IFI27: variants seen among roughly 807,000 people sequenced by gnomAD.
IFI27 encodes interferon alpha-inducible protein 27, mitochondrial.
In IFI27, 3 loss-of-function variants were observed where a neutral mutation model predicts 8.9. That is an observed-to-expected ratio of 0.34 (90% CI 0.15 to 0.87). IFI27 has a LOEUF of 0.87. Ranked by LOEUF, IFI27 falls within the 40% of genes least tolerant of loss-of-function variation. IFI27 has a pLI of 0.51. For synonymous variants in IFI27, 66 were observed against 67.3 expected (o/e 0.98, Z 0.09); for missense variants, 152 against 157.7 (o/e 0.96, Z 0.19).
In IFI27 at chr14:94,111,777, AGT is replaced by A. The variant is rs1887198210; in HGVS notation, c.91+7_91+8del. ...TCTGCCGTAGTTTTGCCCCTGGGTG[AGT>A]GTTCCTGGGAGGGGCTGGTGCTGGG... is the stretch of plus-strand genomic sequence containing the variant. On this transcript the variant is annotated splice_donor_5th_base_variant and intron_variant, in intron 2 of 4. Coordinates refer to ENST00000621160, the Ensembl canonical transcript of IFI27. This position sits in a 1 kb window ranked among gnomAD's most constrained non-coding sequence, Gnocchi z 4.3. The A allele has an allele frequency of 6.2e-7, 1 of 1,610,876 alleles. No homozygotes were observed. Among genetic ancestry groups the A allele is most frequent in the African/African-American group, 1.3e-5 (1 of 74,676 alleles).
In IFI27 at chr14:94,115,893, TG is replaced by T; in HGVS notation, c.239del (p.Gly80ValfsTer23). ...TGATGTCCGCGGCGGCCATTGCCAA[TG>T]GGGGTGGAGTTGCCTCGGGCAGCCT... is the stretch of plus-strand genomic sequence containing the variant. On this transcript the variant is annotated frameshift_variant, in exon 4 of 5. Transcript: ENST00000621160. LOFTEE classifies it low-confidence loss of function (END_TRUNC). 7 of 1,598,428 alleles carry T rather than the reference TG, an allele frequency of 4.4e-6. No individual in the cohort carries two copies. Among genetic ancestry groups the T allele is most frequent in the Non-Finnish European group, 5.1e-6 (6 of 1,172,136 alleles).
In IFI27 at chr14:94,116,506, T is replaced by C; in HGVS notation, c.348T>C (p.Ala116=). 1 of 1,613,302 alleles carries C rather than the reference T, an allele frequency of 6.2e-7. No homozygotes were observed. Among genetic ancestry groups the C allele is most frequent in the Non-Finnish European group, 8.5e-7 (1 of 1,179,674 alleles). The change falls in exon 5 of 5, where the codon GCT becomes GCC. Residue 116 remains alanine (A), a synonymous_variant. Coordinates refer to ENST00000621160, the Ensembl canonical transcript of IFI27. This position sits in a 1 kb window ranked among gnomAD's most constrained non-coding sequence, Gnocchi z 4.3. ...GCTCCATTGGGTCTGCCATTGCGGC[T>C]GTCATTGCGAGGTTCTACTAGCTCC... is the stretch of plus-strand genomic sequence containing the variant.
At chr14:94,112,297 A>T (rs968701978) in intron 2 of IFI27, 5 of 163,102 alleles carry the variant, frequency 3.1e-5, no homozygotes, top group Non-Finnish European at 6.7e-5. Flanking sequence ...AACCTTTCTA[A>T]TATATTTAAT....
rs79237972 is a variant in IFI27, at chr14:94,111,493, T to C, written c.-58-132T>C. The C allele has an allele frequency of 4.6e-3, 2,804 of 603,868 alleles. 110 individuals are homozygous for C. The East Asian group carries it at 0.075, about 16-fold the overall frequency. 37.4% of individuals were successfully genotyped at this position (603,868 alleles called of 1,614,324 possible). A position where few individuals can be genotyped will look rare whatever the true frequency, so the allele number is the denominator to read the frequency against. ...CCTCCCTCCCTCACCCCAGGATCCT[T>C]TCAAGGCCTGCTGCTCCACAAGCTC... On this transcript the variant is annotated intron_variant, in intron 1 of 4. Transcript: ENST00000621160. This position sits in a 1 kb window ranked among gnomAD's most constrained non-coding sequence, Gnocchi z 4.3.
intron 2 of IFI27, chr14:94,113,754 C>G (rs1049605475): frequency 1.3e-5 from 2 of 152,248 alleles, no homozygotes; most frequent in Admixed American, 6.5e-5. Context: ...TAAAACTGAA[C>G]CTTCTAACGA....
chr14:94,115,883 C>T (rs750818677), exon 4 of IFI27: 6 of 1,599,302 alleles, frequency 3.8e-6, no homozygotes, highest in South Asian at 1.1e-5. Context: ...TCCGCGGCGG[C>T]CATTGCCAAT....
At position 94,111,771 on chromosome 14, in the gene IFI27, T is replaced by C. The variant is rs372591348; in HGVS notation, c.89T>C (p.Leu30Pro). ...TCTGGCTCTGCCGTAGTTTTGCCCC[T>C]GGGTGAGTGTTCCTGGGAGGGGCTG... Residue 30 changes from leucine to proline, a missense_variant and splice_region_variant, in exon 2 of 5, where the codon CTG becomes CCG. Coordinates refer to ENST00000621160, the Ensembl canonical transcript of IFI27. This position sits in a 1 kb window ranked among gnomAD's most constrained non-coding sequence, Gnocchi z 4.3. 2 of 1,612,718 alleles carry C rather than the reference T, an allele frequency of 1.2e-6. No individual in the cohort carries two copies. The highest frequency in any genetic ancestry group is 1.7e-6 in the Non-Finnish European group (2 of 1,178,758).
At chr14:94,109,715 T>A (rs1411414804), upstream of IFI27, among the ~76,000 whole-genome samples, 1 of 152,208 alleles carries the variant, frequency 6.6e-6, no homozygotes, top group African/African-American at 2.4e-5. Flanking sequence ...GAGAGCCTCA[T>A]CTTGCGTGAG....
At chr14:94,114,763 C>G in intron 2 of IFI27, 88 bp from the exon 3 acceptor site, 1 of 1,448,948 alleles carries the variant, frequency 6.9e-7, no homozygotes, top group South Asian at 1.2e-5. Flanking sequence ...GGGGCAGCCC[C>G]CTGCCTCCCT....
At chr14:94,106,064 C>G (rs1887011101), upstream of IFI27, 1 of 152,156 alleles carries the variant, frequency 6.6e-6, no homozygotes, top group African/African-American at 2.4e-5. Flanking sequence ...GGTGTCAGCC[C>G]CCTTGGTGTC....
intron 2 of IFI27, among the ~76,000 whole-genome samples, chr14:94,112,590 C>T (rs910952380): frequency 1.3e-5 from 2 of 152,246 alleles, no homozygotes; most frequent in Non-Finnish European, 2.9e-5. Context: ...ACAAATGGCA[C>T]AGGCTTGAAT....
chr14:94,116,361 G>A lies in IFI27; in HGVS notation c.284-81G>A, dbSNP rs948018468. The A allele has an allele frequency of 1.1e-6, 1 of 941,658 alleles. No individual in the cohort carries two copies. Among genetic ancestry groups the A allele is most frequent in the Non-Finnish European group, 1.7e-6 (1 of 589,330 alleles). The allele number at this position is 941,658 out of a possible 1,614,324, so 58.3% of individuals were successfully genotyped here. On this transcript the variant is annotated intron_variant, in intron 4 of 4. Transcript: ENST00000621160. The surrounding 1 kb of genome is among the most constrained non-coding windows in gnomAD (Gnocchi z 4.3). The stretch of plus-strand genomic sequence containing the variant: ...CCTCAGCCCCTGCTGAGGGTCACTG[G>A]AGTCTCTGACCCCACAGTCCTGCCC...
chr14:94,107,705 A>G (rs1033317074), upstream of IFI27, among the ~76,000 whole-genome samples: 2 of 152,014 alleles, frequency 1.3e-5, no homozygotes, highest in African/African-American at 4.8e-5. Context: ...TTTACATTTT[A>G]TAAGTCTTTT....
Position 94,111,833 on chromosome 14 carries a change from G to T in IFI27, c.91+60G>T, listed in dbSNP as rs568750988. On this transcript the variant is annotated intron_variant, in intron 2 of 4. Transcript: ENST00000621160. This position sits in a 1 kb window ranked among gnomAD's most constrained non-coding sequence, Gnocchi z 4.3. ...GAGGAGGCGGCTGGGAAGGGCGGGG[G>T]TCCTGTCCCGGGACCCGTGGGAGAG... 7 of 1,302,658 alleles carry T rather than the reference G, an allele frequency of 5.4e-6. No individual in the cohort carries two copies. The highest frequency in any genetic ancestry group is 4.4e-5 in the African/African-American group (3 of 68,946). 80.7% of individuals were successfully genotyped at this position (1,302,658 alleles called of 1,614,324 possible). A position where few individuals can be genotyped will look rare whatever the true frequency, so the allele number is the denominator to read the frequency against.
upstream of IFI27, among the ~76,000 whole-genome samples, chr14:94,108,752 TAAA>T (rs11329498): frequency 7.0e-6 from 1 of 141,916 alleles, no homozygotes; most frequent in African/African-American, 2.5e-5. Flanking sequence ...TGTGTCAACA[TAAA>T]AAAAAAAAAA....
chr14:94,109,467 C>T (rs151183459), upstream of IFI27, among the ~76,000 whole-genome samples: 1,480 of 152,212 alleles, frequency 9.7e-3, 7 homozygotes, highest in Middle Eastern at 0.02. Context: ...CAGCATCTTA[C>T]AAGACCTGGC....
chr14:94,114,745 C>G, intron 2 of IFI27, 106 bp from the exon 3 acceptor site: 1 of 1,226,674 alleles, frequency 8.2e-7, no homozygotes, highest in Non-Finnish European at 1.2e-6. Flanking sequence ...TCTTGTGGCT[C>G]CCAACCTGGG....
Position 94,116,356 on chromosome 14 carries a change from C to T in IFI27, c.284-86C>T. The T allele has an allele frequency of 1.1e-6, 1 of 896,688 alleles. No homozygotes were observed. 55.5% of individuals were successfully genotyped at this position (896,688 alleles called of 1,614,324 possible). A position where few individuals can be genotyped will look rare whatever the true frequency, so the allele number is the denominator to read the frequency against. The stretch of plus-strand genomic sequence containing the variant: ...GTAAGCCTCAGCCCCTGCTGAGGGT[C>T]ACTGGAGTCTCTGACCCCACAGTCC... On this transcript the variant is annotated intron_variant, in intron 4 of 4. Transcript: ENST00000621160. This position sits in a 1 kb window ranked among gnomAD's most constrained non-coding sequence, Gnocchi z 4.3.
At chr14:94,109,377 GAAGGGC>G (rs771543145), upstream of IFI27, among the ~76,000 whole-genome samples, 300 of 150,296 alleles carry the variant, frequency 2.0e-3, 1 homozygote, top group Middle Eastern at 0.017. Flanking sequence ...GAAGGGCAGG[GAAGGGC>G]AAGGGCAAGG....
Sources: allele counts gnomAD v4.1 joint callset (sites outside exome capture counted in the v4.1 genomes callset), GRCh38; gene constraint gnomAD v4.1.1; non-coding constraint Gnocchi (gnomAD v3.1); transcripts MANE v1.5; gene names NCBI Gene and HGNC (gene_info 2026-07-23, HGNC 2026-07-21).